MIER3: variants seen among roughly 807,000 people sequenced by gnomAD.
The protein encoded by MIER3 is MIER family member 3, also known as mesoderm induction early response protein 3.
A neutral mutation model predicts 63.2 loss-of-function variants in MIER3; 9 were observed. That is an observed-to-expected ratio of 0.14 (90% CI 0.09 to 0.25). The LOEUF is 0.25. Ranked by LOEUF, MIER3 falls within the 10% of genes least tolerant of loss-of-function variation. MIER3 has a pLI of 1.00. For synonymous variants in MIER3, 205 were observed against 224.9 expected, an observed-to-expected ratio of 0.91 and a Z score of 0.79; for missense variants, 512 against 666.2, an observed-to-expected ratio of 0.77 and a Z score of 2.55.
intron 1 of MIER3, 25 bp from the exon 2 acceptor site, chr5:56,950,677 A>G: frequency 1.2e-6 from 2 of 1,612,774 alleles, no homozygotes; most frequent in East Asian, 2.2e-5. Flanking sequence ...AGAAAACGTG[A>G]GGTTAGATCG....
intron 2 of MIER3, 173 bp from the exon 3 acceptor site, chr5:56,947,244 T>C: frequency 1.6e-6 from 1 of 611,532 alleles, no homozygotes; most frequent in Non-Finnish European, 2.5e-6. Flanking sequence ...TCTGAAAATA[T>C]GTCTAAATCA....
At chr5:56,929,049 G>C (rs1159149605) in intron 9 of MIER3, 188 bp from the exon 10 acceptor site, 1 of 487,602 alleles carries the variant, frequency 2.1e-6, no homozygotes, top group African/African-American at 2.0e-5. Flanking sequence ...ATTTCAGTTA[G>C]AATTACCAAA....
chr5:56,924,714 A>C (rs564828204), intron 10 of MIER3, among the ~76,000 whole-genome samples: 52 of 152,296 alleles, frequency 3.4e-4, no homozygotes, highest in African/African-American at 1.3e-3. Flanking sequence ...TCCACACCCA[A>C]ACCAGGGTTC....
rs980460687 is a variant in MIER3 at position 56,921,636 on chromosome 5, CACT to C, written c.*1489_*1491del. 3.3e-4 allele frequency: 51 copies of C among 152,754 alleles called. No individual in the cohort carries two copies. The highest frequency in any genetic ancestry group is 1.1e-3 in the African/African-American group (44 of 41,588). The allele number at this position is 152,754 out of a possible 1,614,324, so 9.5% of individuals were successfully genotyped here. On this transcript the variant is annotated 3_prime_UTR_variant, in exon 13 of 13. Transcript: ENST00000381199. Reference sequence around the variant, plus strand: ...TATAATAAATACCCTCCCTTTCAATCACTACTAAGATCACTACATCCTATCTAC... The same window carrying C: ...TATAATAAATACCCTCCCTTTCAATCACTAAGATCACTACATCCTATCTAC...
chr5:56,927,172 T>A (rs1007154723), intron 10 of MIER3, among the ~76,000 whole-genome samples: 5 of 152,076 alleles, frequency 3.3e-5, no homozygotes, highest in South Asian at 2.1e-4. Flanking sequence ...CTGGTGGATA[T>A]GTATCATTAT....
Position 56,923,573 on chromosome 5 carries a change from C to T in MIER3, c.1208G>A (p.Ser403Asn), listed in dbSNP as rs752847135. Reference sequence around the variant, plus strand: ...TGTGGGGTCGCAGACGGTTGCTACACTGTTGGTCAAAGCTAAAAAGGAATG... The same window carrying T: ...TGTGGGGTCGCAGACGGTTGCTACATTGTTGGTCAAAGCTAAAAAGGAATG... ...TASDLTALTN[S>N]VATVCDPTDV... The change falls in exon 13 of 13, where the codon AGT becomes AAT. Residue 403 changes from serine (S) to asparagine (N), a missense_variant. Coordinates refer to ENST00000381199, the MANE Select transcript of MIER3 (RefSeq NM_001297599.2). 4 of 1,612,898 alleles carry T rather than the reference C, an allele frequency of 2.5e-6. No homozygotes were observed. Among genetic ancestry groups the T allele is most frequent in the Non-Finnish European group, 2.5e-6 (3 of 1,179,072 alleles).
chr5:56,935,876 C>G (rs1446750803), intron 5 of MIER3, 125 bp from the exon 6 acceptor site: 4 of 680,164 alleles, frequency 5.9e-6, no homozygotes, highest in Non-Finnish European at 1.0e-5. Context: ...AAACCACCTG[C>G]ATGTTTCTCA....
intron 10 of MIER3, among the ~76,000 whole-genome samples, chr5:56,925,017 T>C (rs1275556086): frequency 6.6e-6 from 1 of 152,240 alleles, no homozygotes; most frequent in African/African-American, 2.4e-5. Flanking sequence ...GTTGTATCTC[T>C]AGTGCCTAAA....
chr5:56,950,963 T>G (rs1378529566), intron 1 of MIER3, among the ~76,000 whole-genome samples: 8 of 152,134 alleles, frequency 5.3e-5, no homozygotes, highest in Non-Finnish European at 1.0e-4. Context: ...AGCAGTCGGC[T>G]GGCACCATCA....
chr5:56,925,469 C>A, intron 10 of MIER3: 4 of 293,510 alleles, frequency 1.4e-5, no homozygotes, highest in South Asian at 8.9e-5. Context: ...ACAGCAATGA[C>A]GATTGAAATT....
chr5:56,950,392 T>C (rs1750977846), intron 2 of MIER3, among the ~76,000 whole-genome samples: 1 of 152,154 alleles, frequency 6.6e-6, no homozygotes, highest in South Asian at 2.1e-4. Context: ...CCATATTCCT[T>C]AAAAGAACGC....
At chr5:56,944,878 G>T (rs1750773998) in intron 3 of MIER3, among the ~76,000 whole-genome samples, 1 of 150,904 alleles carries the variant, frequency 6.6e-6, no homozygotes, top group Admixed American at 6.6e-5. Context: ...AATTTTTTTG[G>T]TAGAAACAGG....
rs1409625569 is a variant in MIER3, at chr5:56,923,545, A to G, written c.1236T>C (p.Asp412=). 4 of 1,613,948 alleles carry G rather than the reference A, an allele frequency of 2.5e-6. No homozygotes were observed. The highest frequency in any genetic ancestry group is 3.4e-6 in the Non-Finnish European group (4 of 1,179,964). Residue 412 remains aspartate (D), a synonymous_variant, in exon 13 of 13, where the codon GAT becomes GAC. Transcript: ENST00000381199. ...NSVATVCDPT[D]VNCLDDSFPP... ...GAAAGCTATCATCCAAACAATTCACATCTGTGGGGTCGCAGACGGTTGCTA... is the reference window on the plus strand; with the variant it reads ...GAAAGCTATCATCCAAACAATTCACGTCTGTGGGGTCGCAGACGGTTGCTA...
chr5:56,946,078 G>A (rs968742853), intron 3 of MIER3, among the ~76,000 whole-genome samples: 4 of 152,096 alleles, frequency 2.6e-5, no homozygotes, highest in Non-Finnish European at 5.9e-5. Flanking sequence ...GTTTCCCTGT[G>A]TATTAACATG....
chr5:56,927,316 GAT>G (rs1750040158), intron 10 of MIER3, among the ~76,000 whole-genome samples: 3 of 152,030 alleles, frequency 2.0e-5, no homozygotes, highest in Admixed American at 2.0e-4. Context: ...AATAATAAAA[GAT>G]ATAATAATAA....
At chr5:56,944,228 T>G (rs1018762744) in intron 3 of MIER3, among the ~76,000 whole-genome samples, 1 of 151,974 alleles carries the variant, frequency 6.6e-6, no homozygotes, top group Non-Finnish European at 1.5e-5. Flanking sequence ...TCCCAGCACT[T>G]TGGGAGGCCG....
At chr5:56,933,641 C>A (rs148794457) in intron 7 of MIER3, among the ~76,000 whole-genome samples, 183 of 152,250 alleles carry the variant, frequency 1.2e-3, no homozygotes, top group Middle Eastern at 0.01. Flanking sequence ...GATATACTGA[C>A]CAATCTGAAG....
chr5:56,951,405 C>T (rs1360834394), intron 1 of MIER3, among the ~76,000 whole-genome samples: 5 of 152,212 alleles, frequency 3.3e-5, no homozygotes, highest in African/African-American at 9.6e-5. Context: ...AGCCTTCCTT[C>T]CTCCAGCCCA....
rs369881757 is a variant in MIER3, at chr5:56,923,833, C to A, written c.1053G>T (p.Thr351=). ...CATCTACTAAACGATCCATATAGTC[C>A]CTGAAAAACACACCCCAGTAATTTT... ...KKRYNHHPGV[T]DYMDRLVDET... The change falls in exon 12 of 13, where the codon ACG becomes ACT. Residue 351 remains threonine (T), a splice_region_variant and synonymous_variant. Coordinates refer to ENST00000381199, the MANE Select transcript of MIER3 (RefSeq NM_001297599.2). 1.2e-6 allele frequency: 2 copies of A among 1,614,042 alleles called. No homozygotes were observed. Among genetic ancestry groups the A allele is most frequent in the Admixed American group, 3.3e-5 (2 of 60,000 alleles).
Sources: allele counts gnomAD v4.1 joint callset (sites outside exome capture counted in the v4.1 genomes callset), GRCh38; gene constraint gnomAD v4.1.1; transcripts MANE v1.5; gene names NCBI Gene and HGNC (gene_info 2026-07-23, HGNC 2026-07-21).